The following SDCCAG8 variants were observed in gnomAD, a reference collection of about 807,000 sequenced individuals.
The protein encoded by SDCCAG8 is serologically defined colon cancer antigen 8.
In SDCCAG8, 74 loss-of-function variants were observed where a neutral mutation model predicts 101.8. That is an observed-to-expected ratio of 0.73 (90% CI 0.60 to 0.88). The LOEUF is 0.88. Ranked by LOEUF, SDCCAG8 falls within the 40% of genes least tolerant of loss-of-function variation. The pLI is 0.00. For missense variants in SDCCAG8, 787 were observed against 822.6 expected (o/e 0.96, Z 0.53); for synonymous variants, 281 against 292.9 (o/e 0.96, Z 0.41).
chr1:243,261,657 C>T (rs2067201459), intron 1 of SDCCAG8, among the ~76,000 whole-genome samples: 1 of 152,164 alleles, frequency 6.6e-6, no homozygotes, highest in Non-Finnish European at 1.5e-5. Context: ...ATATGTGTAA[C>T]TCAAATAAGT....
chr1:243,412,316 GGAA>G (rs1302158668), intron 13 of SDCCAG8, among the ~76,000 whole-genome samples: 2 of 152,124 alleles, frequency 1.3e-5, no homozygotes, highest in East Asian at 1.9e-4. Context: ...GGGCCACACT[GGAA>G]GAAGAATTGT....
intron 4 of SDCCAG8, among the ~76,000 whole-genome samples, chr1:243,275,286 CTCTT>C (rs111890650): frequency 7.0e-4 from 106 of 151,250 alleles, no homozygotes; most frequent in Admixed American, 3.4e-3. Context: ...GTTTCTTTCT[CTCTT>C]TCTTTCTTTC....
intron 12 of SDCCAG8, among the ~76,000 whole-genome samples, chr1:243,370,585 C>T (rs1266253558): frequency 2.6e-5 from 4 of 152,080 alleles, no homozygotes; most frequent in South Asian, 2.1e-4. Flanking sequence ...GCCGTATTGT[C>T]GCAATGTAAT....
At chr1:243,397,052 T>C (rs1474253959) in intron 13 of SDCCAG8, among the ~76,000 whole-genome samples, 1 of 152,110 alleles carries the variant, frequency 6.6e-6, no homozygotes, top group Non-Finnish European at 1.5e-5. Context: ...GGAGGAAATG[T>C]TCAGTGGAAT....
At chr1:243,308,414 T>C (rs1239166485) in intron 8 of SDCCAG8, among the ~76,000 whole-genome samples, 1 of 152,248 alleles carries the variant, frequency 6.6e-6, no homozygotes, top group Non-Finnish European at 1.5e-5. Flanking sequence ...GATAATAGTA[T>C]CTCTTGGTTT....
At chr1:243,289,743 C>T (rs577870122) in intron 5 of SDCCAG8, among the ~76,000 whole-genome samples, 14 of 152,234 alleles carry the variant, frequency 9.2e-5, no homozygotes, top group African/African-American at 2.6e-4. Context: ...AAATACACCC[C>T]GTAGAACCTT....
intron 12 of SDCCAG8, among the ~76,000 whole-genome samples, chr1:243,350,800 C>T (rs2076042610): frequency 6.6e-6 from 1 of 152,140 alleles, no homozygotes; most frequent in South Asian, 2.1e-4. Context: ...AACCTTTTCC[C>T]TGGAAGTTTT....
At chr1:243,404,593 C>G (rs889579104) in intron 13 of SDCCAG8, among the ~76,000 whole-genome samples, 8 of 152,096 alleles carry the variant, frequency 5.3e-5, no homozygotes, top group African/African-American at 1.9e-4. Flanking sequence ...CTTGGGCTCA[C>G]GTCAGTTTTT....
intron 6 of SDCCAG8, among the ~76,000 whole-genome samples, chr1:243,303,884 C>T (rs1002292308): frequency 2.0e-5 from 3 of 151,996 alleles, no homozygotes; most frequent in Non-Finnish European, 4.4e-5. Context: ...ACCAGCCTAG[C>T]CAACATGATG....
intron 12 of SDCCAG8, among the ~76,000 whole-genome samples, chr1:243,372,904 A>G (rs1054786842): frequency 4.9e-4 from 19 of 39,026 alleles, no homozygotes; most frequent in African/African-American, 1.9e-3. Context: ...AACCATATCT[A>G]TATCTATATC....
At chr1:243,482,401 C>A (rs886922564) in intron 16 of SDCCAG8, among the ~76,000 whole-genome samples, 1 of 152,164 alleles carries the variant, frequency 6.6e-6, no homozygotes, top group Admixed American at 6.5e-5. Flanking sequence ...GAAACCCGGG[C>A]GTGTTTGTTC....
chr1:243,351,514 G>A (rs184558153), intron 12 of SDCCAG8, among the ~76,000 whole-genome samples: 33 of 152,346 alleles, frequency 2.2e-4, no homozygotes, highest in Admixed American at 5.2e-4. Flanking sequence ...GCCCATGAGA[G>A]GGAGAATCTG....
intron 9 of SDCCAG8, among the ~76,000 whole-genome samples, chr1:243,329,363 T>G (rs2074426593): frequency 6.6e-6 from 1 of 152,164 alleles, no homozygotes; most frequent in Non-Finnish European, 1.5e-5. Flanking sequence ...GCTTTCCAGA[T>G]GAAGAGAGGA....
intron 8 of SDCCAG8, among the ~76,000 whole-genome samples, chr1:243,314,219 AAGG>A (rs1357818217): frequency 5.3e-5 from 8 of 152,188 alleles, no homozygotes; most frequent in Non-Finnish European, 1.5e-5. Context: ...GCCTTACAGA[AAGG>A]AGGAGTGTGT....
At chr1:243,473,188 A>G (rs1417861467) in intron 16 of SDCCAG8, among the ~76,000 whole-genome samples, 1 of 152,182 alleles carries the variant, frequency 6.6e-6, no homozygotes, top group East Asian at 1.9e-4. Flanking sequence ...CCAAGTGTAC[A>G]TGGTCCCAAA....
At chr1:243,328,005 C>T (rs1001822750) in intron 9 of SDCCAG8, among the ~76,000 whole-genome samples, 2 of 151,998 alleles carry the variant, frequency 1.3e-5, no homozygotes, top group Non-Finnish European at 2.9e-5. Flanking sequence ...CGGGTTCACG[C>T]CATTCTCCTG....
intron 16 of SDCCAG8, among the ~76,000 whole-genome samples, chr1:243,477,016 A>AGACG (rs1558522350): frequency 2.4e-4 from 21 of 88,892 alleles, no homozygotes; most frequent in African/African-American, 6.7e-4. Context: ...ACACACACAC[A>AGACG]CACACACACA....
At chr1:243,318,684 C>G (rs2073481975) in intron 9 of SDCCAG8, among the ~76,000 whole-genome samples, 1 of 152,156 alleles carries the variant, frequency 6.6e-6, no homozygotes, top group African/African-American at 2.4e-5. Flanking sequence ...CTCAGACTCT[C>G]CTGTTTCTTC....
chr1:243,385,373 G>A (rs1313807798), intron 13 of SDCCAG8, among the ~76,000 whole-genome samples: 2 of 152,138 alleles, frequency 1.3e-5, no homozygotes, highest in Non-Finnish European at 2.9e-5. Context: ...CTGGGCAACA[G>A]AGCAAGACCT....
Sources: gnomAD v4.1 joint callset for allele counts (sites outside exome capture counted in the v4.1 genomes callset) on GRCh38, gnomAD v4.1.1 for gene constraint, MANE v1.5 for transcripts, NCBI Gene and HGNC (gene_info 2026-07-23, HGNC 2026-07-21) for gene names.